Variants in IKZF3 observed in about 807,000 individuals in gnomAD.
IKZF3 encodes the protein IKAROS family zinc finger 3, also known as zinc finger protein Aiolos.
In IKZF3, 10 loss-of-function variants were observed where a neutral mutation model predicts 49.0. That is an observed-to-expected ratio of 0.20 (90% CI 0.13 to 0.35). The LOEUF is 0.35. Ranked by LOEUF, IKZF3 falls within the 10% of genes least tolerant of loss-of-function variation. The pLI, the probability that IKZF3 is intolerant of heterozygous loss-of-function variation, is 1.00. For synonymous variants in IKZF3, 209 were observed against 228.2 expected (o/e 0.92, Z 0.76); for missense variants, 498 against 664.8 (o/e 0.75, Z 2.76).
At position 39,765,947 on chromosome 17, in the gene IKZF3, C is replaced by T. The variant is rs761982738; in HGVS notation, c.1373G>A (p.Arg458His). ...CATCACATAGTCCAGGAAGAGGACG[C>T]GGCAGTGGTCACACCGATACACATC... ...VMDVYRCDHC[R>H]VLFLDYVMFT... The change falls in exon 8 of 8, where the codon CGC becomes CAC. Residue 458 changes from arginine (R) to histidine (H), a missense_variant. Arg to His is a conservative substitution (Grantham distance 29). Around this residue, in one of 3 missense-constraint regions of IKZF3, gnomAD observed 317 missense variants for 397.3 expected, o/e 0.80. Coordinates refer to ENST00000346872, the MANE Select transcript of IKZF3 (RefSeq NM_012481.5). The T allele has an allele frequency of 1.4e-5, 22 of 1,614,088 alleles. No homozygotes were observed. The highest frequency in any genetic ancestry group is 1.6e-4 in the Middle Eastern group (1 of 6,084).
At chr17:39,843,722 G>A (rs1056758184) in intron 1 of IKZF3, among the ~76,000 whole-genome samples, 2 of 151,236 alleles carry the variant, frequency 1.3e-5, no homozygotes, top group Admixed American at 6.6e-5. Context: ...CAGGAAAATC[G>A]CTTGAACACG....
chr17:39,796,589 G>A (rs1015569557), intron 3 of IKZF3, among the ~76,000 whole-genome samples: 9 of 147,918 alleles, frequency 6.1e-5, no homozygotes, highest in Non-Finnish European at 1.3e-4. Flanking sequence ...TGCCCAGGCT[G>A]GAGAGCAGTG....
rs374995348 is a variant in IKZF3 at position 39,802,463 on chromosome 17, C to T, written c.164-9530G>A. On this transcript the variant is annotated intron_variant, in intron 3 of 7. Coordinates refer to ENST00000346872, the MANE Select transcript of IKZF3 (RefSeq NM_012481.5). ...CTCTACAAAAAATCAAAAAATTAGC[C>T]GGATGTGGTAGTGTGTGCCTGTTGT... Among the ~76,000 whole-genome samples, 31 of 151,418 alleles carry T rather than the reference C, an allele frequency of 2.0e-4. No homozygotes were observed. In the East Asian group the frequency reaches 3.1e-3, roughly 15 times the overall value.
intron 5 of IKZF3, among the ~76,000 whole-genome samples, chr17:39,789,149 G>A (rs1714795345): frequency 6.6e-6 from 1 of 152,132 alleles, no homozygotes; most frequent in Non-Finnish European, 1.5e-5. Context: ...ATAAAAATAG[G>A]CCGGGCGCAG....
intron 3 of IKZF3, among the ~76,000 whole-genome samples, chr17:39,822,833 C>T (rs2144217069): frequency 6.6e-6 from 1 of 152,270 alleles, no homozygotes; most frequent in South Asian, 2.1e-4. Context: ...CTGCCTGCCT[C>T]AGCCTCCCAA....
At chr17:39,805,684 G>A (rs550778518) in intron 3 of IKZF3, among the ~76,000 whole-genome samples, 1 of 152,298 alleles carries the variant, frequency 6.6e-6, no homozygotes, top group Non-Finnish European at 1.5e-5. Context: ...AAGCACACAA[G>A]GGAATGAGCT....
chr17:39,824,389 A>G (rs984762468), intron 3 of IKZF3, among the ~76,000 whole-genome samples: 5 of 152,214 alleles, frequency 3.3e-5, no homozygotes, highest in Non-Finnish European at 7.3e-5. Context: ...GCCTTGTCTC[A>G]GATGAGACTT....
intron 3 of IKZF3, among the ~76,000 whole-genome samples, chr17:39,802,765 G>A (rs887419654): frequency 6.7e-6 from 1 of 150,102 alleles, no homozygotes; most frequent in Non-Finnish European, 1.5e-5. Context: ...AGGCTGCAGT[G>A]AGCTGTGATC....
At chr17:39,772,222 CTGAA>C (rs1349511212) in intron 7 of IKZF3, among the ~76,000 whole-genome samples, 4 of 152,124 alleles carry the variant, frequency 2.6e-5, no homozygotes, top group Admixed American at 1.3e-4. Flanking sequence ...GAAGGCCTGA[CTGAA>C]TGGTTTAGAT....
chr17:39,777,777 A>G lies in IKZF3; in HGVS notation c.710-10T>C. 1 of 1,605,394 alleles carries G rather than the reference A, an allele frequency of 6.2e-7. No individual in the cohort carries two copies. Among genetic ancestry groups the G allele is most frequent in the Non-Finnish European group, 8.5e-7 (1 of 1,176,384 alleles). ...CTTGCCTCCGCACTTGCTAGTTTGG[A>G]AAAATGTAAAAAGAAGAGAGAAAAG... On this transcript the variant is annotated splice_polypyrimidine_tract_variant and intron_variant, in intron 6 of 7. Coordinates refer to ENST00000346872, the MANE Select transcript of IKZF3 (RefSeq NM_012481.5).
intron 7 of IKZF3, 118 bp from the exon 8 acceptor site, chr17:39,766,611 C>A: frequency 2.5e-6 from 2 of 800,752 alleles, no homozygotes; most frequent in South Asian, 3.5e-5. Context: ...CTCAAGAAGA[C>A]CAAGCCTGGC....
In IKZF3 at chr17:39,809,551, C is replaced by A. The variant is rs770832145; in HGVS notation, c.164-16618G>T. On this transcript the variant is annotated intron_variant, in intron 3 of 7. Transcript: ENST00000346872. ...GAAAGTACTGTGTTATTAGTCACTT[C>A]CAAATGTAATTTTCCTAATTCTAAG... 8.3e-4 allele frequency among the ~76,000 whole-genome samples: 126 copies of A among 152,294 alleles called. 1 individual carries two copies. Among genetic ancestry groups the A allele is most frequent in the Non-Finnish European group, 1.0e-3 (69 of 68,022 alleles).
At chr17:39,845,448 T>C (rs1357840927) in intron 1 of IKZF3, among the ~76,000 whole-genome samples, 3 of 150,458 alleles carry the variant, frequency 2.0e-5, no homozygotes, top group African/African-American at 7.4e-5. Context: ...CACTTGAACC[T>C]GGGAGGCAGA....
chr17:39,766,007 G>T lies in IKZF3; in HGVS notation c.1313C>A (p.Ser438Tyr), dbSNP rs2060279401. ...CCCTTCCTTGTTGATCACTTTGACG[G>T]AGTCTCTTGGGCAGATGGGCGGGGG... ...LKPPPICPRD[S>Y]VKVINKEGEV... The change falls in exon 8 of 8, where the codon TCC becomes TAC. Residue 438 changes from serine to tyrosine, a missense_variant. Ser to Tyr is a moderately radical substitution (Grantham distance 144). Transcript: ENST00000346872. 1 of 1,614,100 alleles carries T rather than the reference G, an allele frequency of 6.2e-7. No homozygotes were observed. Among genetic ancestry groups the T allele is most frequent in the Non-Finnish European group, 8.5e-7 (1 of 1,180,038 alleles).
At chr17:39,774,330 T>TGGAGAGGAAATATAGGAGAAAGGAGA (rs2060522160) in intron 7 of IKZF3, among the ~76,000 whole-genome samples, 1 of 150,932 alleles carries the variant, frequency 6.6e-6, no homozygotes, top group African/African-American at 2.4e-5. Context: ...AACAGTGCCT[T>TGGAGAGGAAATATAGGAGAAAGGAGA]GGAGAGGAAA....
intron 3 of IKZF3, among the ~76,000 whole-genome samples, chr17:39,817,965 A>C (rs941973776): frequency 6.6e-6 from 1 of 152,194 alleles, no homozygotes; most frequent in Non-Finnish European, 1.5e-5. Flanking sequence ...TAAGCAGTGG[A>C]TCATCAGGTG....
intron 1 of IKZF3, chr17:39,839,649 T>G (rs752207121): frequency 2.9e-6 from 1 of 340,398 alleles, no homozygotes; most frequent in Non-Finnish European, 5.6e-6. Context: ...AGTGGTATGA[T>G]TTGAGCCCTC....
At chr17:39,834,883 C>A (rs2062219627) in intron 1 of IKZF3, among the ~76,000 whole-genome samples, 1 of 152,210 alleles carries the variant, frequency 6.6e-6, no homozygotes, top group Non-Finnish European at 1.5e-5. Flanking sequence ...GTTCCCTATA[C>A]TCCCCTGCAC....
In IKZF3 at chr17:39,852,885, C is replaced by T. The variant is rs184208445; in HGVS notation, c.7+11235G>A. Among the ~76,000 whole-genome samples, 773 of 152,208 alleles carry T rather than the reference C, an allele frequency of 5.1e-3. 2 individuals carry two copies. The highest frequency in any genetic ancestry group is 7.8e-3 in the Non-Finnish European group (532 of 68,000). On this transcript the variant is annotated intron_variant, in intron 1 of 7. Transcript: ENST00000346872. The stretch of plus-strand genomic sequence containing the variant: ...ACTCAGGAGGCTGAGGGAGGAGAAT[C>T]GCTTGAACCCCAGAGGCAGAGGTTG...
Sources: gnomAD v4.1 joint callset for allele counts (sites outside exome capture counted in the v4.1 genomes callset) on GRCh38, gnomAD v4.1.1 for gene constraint, gnomAD v4.1.1 regional missense constraint, MANE v1.5 for transcripts, NCBI Gene and HGNC (gene_info 2026-07-23, HGNC 2026-07-21) for gene names.